The following LARS1 variants were observed in gnomAD, a reference collection of about 807,000 sequenced individuals.
The protein encoded by LARS1 is leucine--tRNA ligase, cytoplasmic.
A neutral mutation model predicts 162.8 loss-of-function variants in LARS1; 100 were observed. The observed-to-expected ratio is 0.61, with a 90% confidence interval of 0.52 to 0.73. The LOEUF (loss-of-function observed/expected upper bound fraction) is 0.73, where lower values mean the gene tolerates loss of function less well. Ranked by LOEUF, LARS1 falls within the 30% of genes least tolerant of loss-of-function variation. The pLI, the probability that LARS1 is intolerant of heterozygous loss-of-function variation, is 0.00. For missense variants in LARS1, 1,258 were observed against 1,408.9 expected, an observed-to-expected ratio of 0.89 and a Z score of 1.71; for synonymous variants, 457 against 462.8, an observed-to-expected ratio of 0.99 and a Z score of 0.16.
At position 146,126,527 on chromosome 5, in the gene LARS1, G is replaced by T. The variant is rs1752054425; in HGVS notation, c.2899C>A (p.Pro967Thr). The T allele has an allele frequency of 6.2e-7, 1 of 1,611,286 alleles. No individual in the cohort carries two copies. The highest frequency in any genetic ancestry group is 1.3e-5 in the African/African-American group (1 of 74,798). Residue 967 changes from proline (P) to threonine (T), a missense_variant, in exon 28 of 32, where the codon CCT becomes ACT. Coordinates refer to ENST00000394434, the MANE Select transcript of LARS1 (RefSeq NM_020117.11). ...TCACTAGCAATGACTTTGTTGTCAG[G>T]CAGTTTTCCGTTATTGGCCTAAGAA... is the stretch of plus-strand genomic sequence containing the variant. ...KHFEANNGKL[P>T]DNKVIASELG...
At chr5:146,148,530 G>C (rs1299091652) in intron 15 of LARS1, among the ~76,000 whole-genome samples, 3 of 152,136 alleles carry the variant, frequency 2.0e-5, no homozygotes, top group African/African-American at 7.2e-5. Flanking sequence ...TTGTATTATG[G>C]ATAAGCCATG....
intron 1 of LARS1, among the ~76,000 whole-genome samples, chr5:146,180,234 C>G (rs1389382927): frequency 6.6e-6 from 1 of 151,898 alleles, no homozygotes; most frequent in Non-Finnish European, 1.5e-5. Flanking sequence ...GTCCCTGTCT[C>G]AAAAAATAAA....
chr5:146,134,091 ACC>A (rs2126439110), intron 22 of LARS1, among the ~76,000 whole-genome samples: 1 of 152,152 alleles, frequency 6.6e-6, no homozygotes, highest in Admixed American at 6.6e-5. Flanking sequence ...TAAACTGCCC[ACC>A]TCAGCCTCCC....
At position 146,158,780 on chromosome 5, in the gene LARS1, A is replaced by G. The variant is rs561856266; in HGVS notation, c.771+627T>C. Among the ~76,000 whole-genome samples, 5 of 152,296 alleles carry G rather than the reference A, an allele frequency of 3.3e-5. No individual in the cohort carries two copies. The East Asian group carries it at 9.6e-4, about 29-fold the overall frequency. ...CTTCACAACATTAGCATGCATATAC[A>G]TCACATTGAGAGCTCGTAAAAAGAT... On this transcript the variant is annotated intron_variant, in intron 8 of 31. Coordinates refer to ENST00000394434, the MANE Select transcript of LARS1 (RefSeq NM_020117.11).
chr5:146,159,446 A>G lies in LARS1; in HGVS notation c.732T>C (p.Asp244=). 2 of 1,612,386 alleles carry G rather than the reference A, an allele frequency of 1.2e-6. No homozygotes were observed. Among genetic ancestry groups the G allele is most frequent in the South Asian group, 2.2e-5 (2 of 91,012 alleles). ...TATCATGATCCATGCAAGGCTGTCC[A>G]TCTTTCGGAGAGTAAATTGTATACC... is the stretch of plus-strand genomic sequence containing the variant. ...GKRYTIYSPK[D]GQPCMDHDRQ... Residue 244 remains aspartate (D), a synonymous_variant, in exon 8 of 32, where the codon GAT becomes GAC. Coordinates refer to ENST00000394434, the MANE Select transcript of LARS1 (RefSeq NM_020117.11).
intron 1 of LARS1, chr5:146,179,776 AT>A: frequency 3.4e-5 from 10 of 292,606 alleles, no homozygotes; most frequent in Admixed American, 1.6e-4. Flanking sequence ...TAGTTTTTGT[AT>A]TTTTTTGTAG....
Position 146,128,675 on chromosome 5 carries a change from A to G in LARS1, c.2877T>C (p.Phe959=). Residue 959 remains phenylalanine (F), a synonymous_variant, in exon 27 of 32, where the codon TTT becomes TTC. Transcript: ENST00000394434. The part of the protein sequence containing the change: ...HTTLSVLRKH[F]EANNGKLPDN... ...AAAAGTCTACTGAGAGCATCACCTC[A>G]AAGTGTTTACGTAGAACAGACAGGG... 13 of 1,565,274 alleles carry G rather than the reference A, an allele frequency of 8.3e-6. No homozygotes were observed. The highest frequency in any genetic ancestry group is 1.4e-5 in the African/African-American group (1 of 71,522).
Position 146,144,729 on chromosome 5 carries a change from C to T in LARS1, c.1504-20G>A. The T allele has an allele frequency of 1.3e-6, 2 of 1,584,078 alleles. No homozygotes were observed. The highest frequency in any genetic ancestry group is 1.7e-6 in the Non-Finnish European group (2 of 1,153,230). ...ATCTCCCTAAAGGAAGGTAAATAAA[C>T]ATACATTAGATACTATGTCAAATCA... is the stretch of plus-strand genomic sequence containing the variant. On this transcript the variant is annotated intron_variant, in intron 15 of 31. Coordinates refer to ENST00000394434, the MANE Select transcript of LARS1 (RefSeq NM_020117.11).
At chr5:146,150,784 C>G (rs183479495) in intron 14 of LARS1, among the ~76,000 whole-genome samples, 1 of 151,326 alleles carries the variant, frequency 6.6e-6, no homozygotes, top group Non-Finnish European at 1.5e-5. Flanking sequence ...ACTAAAAATA[C>G]AAAAATTAGC....
chr5:146,135,086 C>T (rs2963920), intron 22 of LARS1, among the ~76,000 whole-genome samples: 93,520 of 151,920 alleles, frequency 0.62, 29,193 homozygotes, highest in Middle Eastern at 0.79. Context: ...CCACTGCAAC[C>T]TCCGCCTCCC....
chr5:146,179,399 T>G (rs1754734827), intron 1 of LARS1, among the ~76,000 whole-genome samples: 1 of 151,856 alleles, frequency 6.6e-6, no homozygotes, highest in South Asian at 2.1e-4. Context: ...TGACCTCAGG[T>G]GGTCCACCCG....
intron 31 of LARS1, among the ~76,000 whole-genome samples, chr5:146,114,860 A>G (rs1179225498): frequency 6.6e-6 from 1 of 151,858 alleles, no homozygotes; most frequent in African/African-American, 2.4e-5. Flanking sequence ...CCTGACCAAC[A>G]TGGTGAAACC....
chr5:146,175,930 GGATCA>G (rs1754540267), intron 2 of LARS1, among the ~76,000 whole-genome samples: 1 of 152,050 alleles, frequency 6.6e-6, no homozygotes, highest in Admixed American at 6.6e-5. Flanking sequence ...CAAGGCAGAA[GGATCA>G]CTTGAAGCCA....
chr5:146,169,800 C>T (rs1047381613), intron 4 of LARS1, among the ~76,000 whole-genome samples: 15 of 152,046 alleles, frequency 9.9e-5, no homozygotes, highest in Admixed American at 1.3e-4. Context: ...CCTCCTGCCT[C>T]GGCCTCCCAA....
chr5:146,142,312 T>C (rs1035854890), intron 20 of LARS1, among the ~76,000 whole-genome samples: 1 of 152,208 alleles, frequency 6.6e-6, no homozygotes, highest in African/African-American at 2.4e-5. Context: ...TCCAAAATCT[T>C]CGTTTTATTG....
intron 6 of LARS1, among the ~76,000 whole-genome samples, chr5:146,162,675 A>G (rs1753826181): frequency 6.6e-6 from 1 of 152,232 alleles, no homozygotes; most frequent in Admixed American, 6.5e-5. Context: ...ACTTCTCTCT[A>G]GCTATGGAAG....
chr5:146,168,211 A>G lies in LARS1; in HGVS notation c.349T>C (p.Phe117Leu), dbSNP rs1290901891. The change falls in exon 5 of 32, where the codon TTT becomes CTT. Residue 117 changes from phenylalanine (F) to leucine (L), a missense_variant. Physicochemically the swap from Phe to Leu is conservative, Grantham distance 22 (BLOSUM62 0). Coordinates refer to ENST00000394434, the MANE Select transcript of LARS1 (RefSeq NM_020117.11). ...TCCTCTTCCTCTTCTTCATCTGGAA[A>G]ATCAGGGGGGCAACCATACAGCTCT... ...EIELYGCPPD[F>L]PDEEEEEEET... 4.3e-6 allele frequency: 7 copies of G among 1,613,506 alleles called. No homozygotes were observed. The highest frequency in any genetic ancestry group is 5.1e-6 in the Non-Finnish European group (6 of 1,179,712).
chr5:146,117,973 A>G (rs1751638044), intron 31 of LARS1, among the ~76,000 whole-genome samples: 1 of 152,238 alleles, frequency 6.6e-6, no homozygotes, highest in Admixed American at 6.5e-5. Flanking sequence ...TATTAAAAAT[A>G]GAACTACAAT....
At chr5:146,147,043 A>G (rs925766024) in intron 15 of LARS1, among the ~76,000 whole-genome samples, 8 of 152,056 alleles carry the variant, frequency 5.3e-5, no homozygotes, top group Non-Finnish European at 8.8e-5. Context: ...GATTGGCAGA[A>G]TCTTCTGTAG....
Sources: gnomAD v4.1 joint callset for allele counts (sites outside exome capture counted in the v4.1 genomes callset) on GRCh38, gnomAD v4.1.1 for gene constraint, MANE v1.5 for transcripts, NCBI Gene and HGNC (gene_info 2026-07-23, HGNC 2026-07-21) for gene names.